Variants in CFAP44 observed in about 807,000 individuals in gnomAD.
CFAP44 encodes cilia and flagella associated protein 44.
Under a neutral mutation model 216.2 loss-of-function variants are expected in CFAP44, and 134 were observed. The observed-to-expected ratio is 0.62, with a 90% confidence interval of 0.54 to 0.72. CFAP44 has a LOEUF of 0.72. CFAP44 is among the 30% of genes least tolerant of loss of function. CFAP44 has a pLI of 0.00. For synonymous variants in CFAP44, 700 were observed against 727.6 expected (o/e 0.96, Z 0.61); for missense variants, 2,035 against 2,182.1 (o/e 0.93, Z 1.34).
intron 28 of CFAP44, among the ~76,000 whole-genome samples, chr3:113,321,895 T>C (rs751621042): frequency 1.3e-5 from 2 of 152,208 alleles, no homozygotes; most frequent in Non-Finnish European, 2.9e-5. Flanking sequence ...AAACATCCCA[T>C]GCTCATAGAT....
At position 113,363,150 on chromosome 3, in the gene CFAP44, G is replaced by A. The variant is rs780714903; in HGVS notation, c.2929C>T (p.Arg977Ter). 1.0e-5 allele frequency: 16 copies of A among 1,595,252 alleles called. No individual in the cohort carries two copies. Among genetic ancestry groups the A allele is most frequent in the African/African-American group, 2.7e-5 (2 of 74,160 alleles). The change falls in exon 21 of 35, where the codon CGA (arginine) becomes TGA (stop). Residue 977 changes from arginine to a stop codon, truncating the protein, a stop_gained. Transcript: ENST00000393845. LOFTEE classifies it high-confidence loss of function. ...EKLPKHMQFKRTDFDVDSQIR... is the reference protein window; with the variant it reads ...EKLPKHMQFK ...CAAGTTTATATTAGGCTTACTGTTC[G>A]TTTAAACTGCATATGCTTTGGTAAT...
chr3:113,350,780 G>A (rs1950437287), intron 22 of CFAP44, among the ~76,000 whole-genome samples: 2 of 152,224 alleles, frequency 1.3e-5, no homozygotes, highest in South Asian at 4.1e-4. Context: ...ACCTCACCAG[G>A]TCAGAAATAT....
intron 17 of CFAP44, among the ~76,000 whole-genome samples, chr3:113,374,636 T>G (rs917722795): frequency 5.3e-5 from 8 of 152,026 alleles, no homozygotes; most frequent in African/African-American, 1.4e-4. Context: ...AAGTGTCTAT[T>G]TTTGTGTGTT....
At chr3:113,307,676 A>G (rs796858618) in intron 29 of CFAP44, among the ~76,000 whole-genome samples, 8 of 152,366 alleles carry the variant, frequency 5.3e-5, no homozygotes, top group African/African-American at 1.9e-4. Context: ...TGAATAAAGA[A>G]ATAAATATCC....
Position 113,290,366 on chromosome 3 carries a change from T to C in CFAP44, c.*1191A>G, listed in dbSNP as rs1210107640. On this transcript the variant is annotated 3_prime_UTR_variant, in exon 35 of 35. Transcript: ENST00000393845. ...GCTGATGTACAAAGAAAGCAAGACC[T>C]GTCTGTAATTTTGGGGGGCACATTA... The C allele has an allele frequency of 2.6e-5, 4 of 152,218 alleles. No individual in the cohort carries two copies. The highest frequency in any genetic ancestry group is 7.2e-5 in the African/African-American group (3 of 41,460). The allele number at this position is 152,218 out of a possible 1,614,324, so 9.4% of individuals were successfully genotyped here. A position where few individuals can be genotyped will look rare whatever the true frequency, so the allele number is the denominator to read the frequency against.
chr3:113,360,320 T>C (rs367648757), intron 21 of CFAP44: 2 of 214,012 alleles, frequency 9.3e-6, no homozygotes, highest in Non-Finnish European at 1.0e-5. Flanking sequence ...AACATGTAGA[T>C]TGTATCACAT....
chr3:113,376,287 T>C (rs528242843), intron 17 of CFAP44, among the ~76,000 whole-genome samples: 38 of 152,312 alleles, frequency 2.5e-4, no homozygotes, highest in Non-Finnish European at 5.3e-4. Context: ...TTAAAAGTAA[T>C]GTCTTGGACA....
intron 2 of CFAP44, 77 bp downstream of exon 2, chr3:113,433,488 T>A: frequency 1.7e-6 from 1 of 600,600 alleles, no homozygotes; most frequent in Admixed American, 2.5e-5. Flanking sequence ...CTCTTTCCAT[T>A]CTACTATAAA....
chr3:113,359,968 A>G (rs2107309695), intron 21 of CFAP44, among the ~76,000 whole-genome samples: 1 of 152,296 alleles, frequency 6.6e-6, no homozygotes, highest in East Asian at 1.9e-4. Flanking sequence ...AATTATAGAA[A>G]TAGAAGCACA....
chr3:113,416,058 A>G (rs1422049979), intron 6 of CFAP44, among the ~76,000 whole-genome samples: 1 of 152,196 alleles, frequency 6.6e-6, no homozygotes, highest in Non-Finnish European at 1.5e-5. Context: ...GGATGTATAC[A>G]TATTCAGAAT....
chr3:113,366,692 C>T (rs1292428646), intron 18 of CFAP44, among the ~76,000 whole-genome samples: 1 of 152,178 alleles, frequency 6.6e-6, no homozygotes, highest in Non-Finnish European at 1.5e-5. Context: ...GTATCTGATT[C>T]ATCTCATTGG....
chr3:113,401,868 A>C, intron 9 of CFAP44, 129 bp from the exon 10 acceptor site: 1 of 1,023,428 alleles, frequency 9.8e-7, no homozygotes, highest in East Asian at 2.7e-5. Flanking sequence ...AACAATGAAC[A>C]AGTGTGATAA....
intron 22 of CFAP44, among the ~76,000 whole-genome samples, chr3:113,347,566 A>G (rs1312025418): frequency 6.6e-6 from 1 of 152,146 alleles, no homozygotes; most frequent in Non-Finnish European, 1.5e-5. Flanking sequence ...TCCCTTCTTT[A>G]GGCACCTGGG....
At chr3:113,341,198 C>G (rs957985007) in intron 24 of CFAP44, among the ~76,000 whole-genome samples, 1 of 152,064 alleles carries the variant, frequency 6.6e-6, no homozygotes, top group Non-Finnish European at 1.5e-5. Context: ...AACACTTGGG[C>G]AGGAAATGCC....
chr3:113,366,020 T>G lies in CFAP44; in HGVS notation c.2715+19A>C, dbSNP rs1451551902. On this transcript the variant is annotated intron_variant, in intron 19 of 34. Coordinates refer to ENST00000393845, the MANE Select transcript of CFAP44 (RefSeq NM_001164496.2). ...TAAATACAGTTTGTTATTAATTAAC[T>G]GGTTAATTAATTACATACCCTGGGA... is the stretch of plus-strand genomic sequence containing the variant. 2 of 1,571,532 alleles carry G rather than the reference T, an allele frequency of 1.3e-6. No individual in the cohort carries two copies. The highest frequency in any genetic ancestry group is 2.7e-5 in the African/African-American group (2 of 73,032).
At chr3:113,318,484 G>A (rs908350073) in intron 28 of CFAP44, among the ~76,000 whole-genome samples, 1 of 152,150 alleles carries the variant, frequency 6.6e-6, no homozygotes, top group Non-Finnish European at 1.5e-5. Context: ...AGGAGAATAA[G>A]CAACTTGGAA....
intron 28 of CFAP44, among the ~76,000 whole-genome samples, chr3:113,325,447 T>C (rs1950181338): frequency 6.6e-6 from 1 of 152,050 alleles, no homozygotes; most frequent in African/African-American, 2.4e-5. Flanking sequence ...GCCTTTTTTA[T>C]TTTTTATTTT....
Position 113,419,359 on chromosome 3 carries a change from C to T in CFAP44, c.570+658G>A, listed in dbSNP as rs530001610. On this transcript the variant is annotated intron_variant, in intron 5 of 34. Transcript: ENST00000393845. Reference sequence around the variant, plus strand: ...ATGGATTTTAAACTCTGAATTCATACAGGTCATGAGTTCTTCTTCATTTAA... The same window carrying T: ...ATGGATTTTAAACTCTGAATTCATATAGGTCATGAGTTCTTCTTCATTTAA... Among the ~76,000 whole-genome samples, 22 of 152,216 alleles carry T rather than the reference C, an allele frequency of 1.4e-4. 1 individual carries two copies. The South Asian group carries it at 4.2e-3, about 29-fold the overall frequency.
At chr3:113,433,703 A>C (rs769343579) in intron 1 of CFAP44, 34 bp from the exon 2 acceptor site, 19 of 1,501,972 alleles carry the variant, frequency 1.3e-5, no homozygotes, top group Non-Finnish European at 1.7e-5. Flanking sequence ...GATATGGATA[A>C]AGCTGTAAAA....
Sources: allele counts gnomAD v4.1 joint callset (sites outside exome capture counted in the v4.1 genomes callset), GRCh38; gene constraint gnomAD v4.1.1; transcripts MANE v1.5; gene names NCBI Gene and HGNC (gene_info 2026-07-23, HGNC 2026-07-21).